Variants in TMEM200A observed in about 807,000 individuals in gnomAD.
TMEM200A encodes transmembrane protein 200A, also known as two transmembrane C.
In TMEM200A, 12 loss-of-function variants were observed where a neutral mutation model predicts 24.3. That is an observed-to-expected ratio of 0.49 (90% CI 0.32 to 0.80). TMEM200A has a LOEUF of 0.80. TMEM200A is among the 30% of genes least tolerant of loss of function. The pLI is 0.04. For missense variants in TMEM200A, 545 were observed against 614.4 expected, an observed-to-expected ratio of 0.89 and a Z score of 1.19; for synonymous variants, 224 against 224.4, an observed-to-expected ratio of 1.00 and a Z score of 0.02.
In TMEM200A at chr6:130,425,804, A is replaced by C. The variant is rs150001553; in HGVS notation, c.-16-14603A>C. Among the ~76,000 whole-genome samples, 379 of 152,296 alleles carry C rather than the reference A, an allele frequency of 2.5e-3. 2 individuals are homozygous for C. Among genetic ancestry groups the C allele is most frequent in the African/African-American group, 8.7e-3 (363 of 41,576 alleles). ...GAGCCAGTATGTGAATAAGCCAACAAACATTCCATTAATCTCCAAAAGACT... is the reference window on the plus strand; with the variant it reads ...GAGCCAGTATGTGAATAAGCCAACACACATTCCATTAATCTCCAAAAGACT... On this transcript the variant is annotated intron_variant, in intron 2 of 2. Coordinates refer to ENST00000296978, the MANE Select transcript of TMEM200A (RefSeq NM_001258277.2).
At chr6:130,382,032 G>A (rs1050055510) in intron 1 of TMEM200A, 1 of 905,290 alleles carries the variant, frequency 1.1e-6, no homozygotes, top group African/African-American at 1.8e-5. Flanking sequence ...TATGATCTGG[G>A]CTACTTATGA....
chr6:130,373,539 G>A (rs1198541665), intron 1 of TMEM200A, among the ~76,000 whole-genome samples: 4 of 148,156 alleles, frequency 2.7e-5, no homozygotes, highest in Admixed American at 1.4e-4. Flanking sequence ...GTATAATATT[G>A]GATTATGTGG....
chr6:130,378,195 C>A (rs1221096236), intron 1 of TMEM200A, among the ~76,000 whole-genome samples: 1 of 152,030 alleles, frequency 6.6e-6, no homozygotes, highest in Non-Finnish European at 1.5e-5. Context: ...AGGAGGCTAA[C>A]CTTTATCAAT....
upstream of TMEM200A, chr6:130,365,910 G>T (rs1340251837): frequency 3.0e-6 from 3 of 985,260 alleles, no homozygotes. Context: ...AGATTGGCAC[G>T]GTCCGGGGTC....
intron 2 of TMEM200A, among the ~76,000 whole-genome samples, chr6:130,413,761 C>T (rs1229257151): frequency 6.6e-6 from 1 of 152,210 alleles, no homozygotes; most frequent in African/African-American, 2.4e-5. Flanking sequence ...TAACAAACCA[C>T]ACACTTTTTA....
At chr6:130,401,282 T>C (rs1779076025) in intron 2 of TMEM200A, among the ~76,000 whole-genome samples, 1 of 151,982 alleles carries the variant, frequency 6.6e-6, no homozygotes, top group Non-Finnish European at 1.5e-5. Context: ...ATTAGCCTCA[T>C]AGTATTCCAT....
At chr6:130,424,443 A>G (rs1417238232) in intron 2 of TMEM200A, among the ~76,000 whole-genome samples, 1 of 152,090 alleles carries the variant, frequency 6.6e-6, no homozygotes, top group Non-Finnish European at 1.5e-5. Context: ...CATTTTTCAT[A>G]CTTTCCCCCA....
chr6:130,427,601 C>T (rs1264890991), intron 2 of TMEM200A, among the ~76,000 whole-genome samples: 1 of 152,024 alleles, frequency 6.6e-6, no homozygotes, highest in Non-Finnish European at 1.5e-5. Flanking sequence ...ATGGACATTT[C>T]GATTTTTGAA....
intron 2 of TMEM200A, among the ~76,000 whole-genome samples, chr6:130,398,959 G>A (rs1440466322): frequency 6.6e-6 from 1 of 151,772 alleles, no homozygotes; most frequent in East Asian, 1.9e-4. Context: ...TTATTTCATA[G>A]TAGTTATTTC....
intron 2 of TMEM200A, among the ~76,000 whole-genome samples, chr6:130,420,213 T>C (rs1779550633): frequency 6.6e-6 from 1 of 152,202 alleles, no homozygotes; most frequent in Non-Finnish European, 1.5e-5. Context: ...TATTTCTTTA[T>C]ATATAACATT....
intron 2 of TMEM200A, among the ~76,000 whole-genome samples, chr6:130,408,359 C>T (rs1310860599): frequency 6.6e-6 from 1 of 152,186 alleles, no homozygotes; most frequent in Non-Finnish European, 1.5e-5. Context: ...TCTTCCCAGA[C>T]CCTCTGAGTA....
At chr6:130,381,076 T>C (rs920553601) in intron 1 of TMEM200A, among the ~76,000 whole-genome samples, 1 of 152,262 alleles carries the variant, frequency 6.6e-6, no homozygotes, top group African/African-American at 2.4e-5. Context: ...TAGTACTCTC[T>C]TAAGTTATAA....
At chr6:130,394,993 C>G (rs534501116) in intron 2 of TMEM200A, among the ~76,000 whole-genome samples, 1 of 152,194 alleles carries the variant, frequency 6.6e-6, no homozygotes, top group South Asian at 2.1e-4. Flanking sequence ...AATCAGGAGC[C>G]TCCTGATAGA....
intron 2 of TMEM200A, among the ~76,000 whole-genome samples, chr6:130,391,533 G>A (rs1778831802): frequency 6.6e-6 from 1 of 151,956 alleles, no homozygotes; most frequent in East Asian, 1.9e-4. Flanking sequence ...AAACTCTGTA[G>A]CAATTCCCAT....
At chr6:130,394,270 A>G (rs1441717949) in intron 2 of TMEM200A, among the ~76,000 whole-genome samples, 1 of 152,194 alleles carries the variant, frequency 6.6e-6, no homozygotes, top group Non-Finnish European at 1.5e-5. Flanking sequence ...ACTGCTATGC[A>G]AAAAAGAACC....
chr6:130,373,748 C>T (rs1007397591), intron 1 of TMEM200A, among the ~76,000 whole-genome samples: 12 of 152,130 alleles, frequency 7.9e-5, no homozygotes, highest in African/African-American at 1.9e-4. Flanking sequence ...ATTCGTGGAA[C>T]GATAATTCCT....
At chr6:130,403,273 C>T (rs542251276) in intron 2 of TMEM200A, among the ~76,000 whole-genome samples, 2 of 152,184 alleles carry the variant, frequency 1.3e-5, no homozygotes, top group African/African-American at 4.8e-5. Context: ...ATTTTGATTA[C>T]AGTAGATCAC....
chr6:130,439,331 A>G (rs1780098246), intron 2 of TMEM200A: 1 of 152,228 alleles, frequency 6.6e-6, no homozygotes, highest in Non-Finnish European at 1.5e-5. Flanking sequence ...AGGACATCGT[A>G]TATTGGAAAT....
At position 130,366,844 on chromosome 6, in the gene TMEM200A, C is replaced by G. The variant is rs188455961; in HGVS notation, c.-81+320C>G. 6.6e-6 allele frequency among the ~76,000 whole-genome samples: 1 copy of G among 152,272 alleles called. No homozygotes were observed. Among genetic ancestry groups the G allele is most frequent in the Admixed American group, 6.5e-5 (1 of 15,290 alleles). Reference sequence around the variant, plus strand: ...TGAGAGTCAGCATTCTCTGTAATGTCCACAGCGTTAATTCATGATTGAGCA... The same window carrying G: ...TGAGAGTCAGCATTCTCTGTAATGTGCACAGCGTTAATTCATGATTGAGCA... On this transcript the variant is annotated intron_variant, in intron 1 of 2. Transcript: ENST00000296978. This position sits in a 1 kb window ranked among gnomAD's most constrained non-coding sequence, Gnocchi z 4.4.
Sources: gnomAD v4.1 joint callset for allele counts (sites outside exome capture counted in the v4.1 genomes callset) on GRCh38, gnomAD v4.1.1 for gene constraint, Gnocchi (gnomAD v3.1) non-coding constraint, MANE v1.5 for transcripts, NCBI Gene and HGNC (gene_info 2026-07-23, HGNC 2026-07-21) for gene names.